Variants in MYRIP observed in about 807,000 individuals in gnomAD.
The protein encoded by MYRIP is myosin VIIA and Rab interacting protein.
MYRIP carries 49 observed loss-of-function variants against 98.0 expected under a neutral mutation model. That is an observed-to-expected ratio of 0.50 (90% confidence interval 0.40 to 0.63). The LOEUF is 0.63. Among genes scored for constraint, MYRIP ranks in the 30% least tolerant of loss-of-function variants. The probability of loss-of-function intolerance (pLI) is 0.00; values close to 1 mark genes in which losing one functional copy is unlikely to be tolerated. For missense variants in MYRIP, 1,004 were observed against 1,058.2 expected, an observed-to-expected ratio of 0.95 and a Z score of 0.71; for synonymous variants, 404 against 409.5, an observed-to-expected ratio of 0.99 and a Z score of 0.16.
intron 1 of MYRIP, among the ~76,000 whole-genome samples, chr3:39,884,935 C>A: frequency 8.8e-6 from 1 of 113,648 alleles, no homozygotes; most frequent in Non-Finnish European, 1.7e-5. Flanking sequence ...CCCCCCACCC[C>A]CCTTCTCCCT....
chr3:39,885,981 CCTT>C (rs1243786759), intron 1 of MYRIP, among the ~76,000 whole-genome samples: 1 of 151,984 alleles, frequency 6.6e-6, no homozygotes, highest in African/African-American at 2.4e-5. Context: ...TCATCTGAAG[CCTT>C]CTTCTCTCAG....
At chr3:39,829,503 G>T (rs1449617090) in intron 1 of MYRIP, among the ~76,000 whole-genome samples, 1 of 152,132 alleles carries the variant, frequency 6.6e-6, no homozygotes, top group African/African-American at 2.4e-5. Flanking sequence ...CCACACTAAA[G>T]ATGTTTGTGA....
chr3:39,951,029 GA>G (rs1945001010), intron 2 of MYRIP, among the ~76,000 whole-genome samples: 1 of 152,086 alleles, frequency 6.6e-6, no homozygotes, highest in African/African-American at 2.4e-5. Flanking sequence ...ATATATTTTG[GA>G]AACTCTGACT....
At chr3:40,071,994 C>T (rs776790207) in intron 3 of MYRIP, among the ~76,000 whole-genome samples, 3 of 152,072 alleles carry the variant, frequency 2.0e-5, no homozygotes, top group Non-Finnish European at 2.9e-5. Context: ...AAAGGAATCT[C>T]TGGTCAGAAT....
intron 3 of MYRIP, among the ~76,000 whole-genome samples, chr3:40,066,320 C>A (rs541354738): frequency 5.9e-5 from 9 of 152,292 alleles, no homozygotes; most frequent in Admixed American, 5.9e-4. Flanking sequence ...TCCATTAAGA[C>A]CATCCTGATA....
intron 11 of MYRIP, among the ~76,000 whole-genome samples, chr3:40,215,208 A>G (rs1437115921): frequency 6.6e-6 from 1 of 152,124 alleles, no homozygotes; most frequent in Admixed American, 6.6e-5. Flanking sequence ...CAAGTAGCTG[A>G]GCCATTGTGC....
chr3:39,856,570 G>T (rs537251673), intron 1 of MYRIP, among the ~76,000 whole-genome samples: 24 of 152,250 alleles, frequency 1.6e-4, no homozygotes, highest in African/African-American at 5.8e-4. Flanking sequence ...GCCTGACCAC[G>T]ATCCCAACAA....
At chr3:40,240,534 C>T (rs1021458729) in intron 12 of MYRIP, among the ~76,000 whole-genome samples, 9 of 152,142 alleles carry the variant, frequency 5.9e-5, no homozygotes, top group Non-Finnish European at 8.8e-5. Flanking sequence ...TGGTGACAGA[C>T]GGCACCTGGA....
At chr3:40,176,932 A>G (rs1249553866) in intron 8 of MYRIP, among the ~76,000 whole-genome samples, 3 of 150,228 alleles carry the variant, frequency 2.0e-5, no homozygotes, top group East Asian at 3.9e-4. Flanking sequence ...AAAAGAAAAG[A>G]AAAGAAAATT....
intron 3 of MYRIP, among the ~76,000 whole-genome samples, chr3:40,048,409 C>A (rs980471135): frequency 1.3e-5 from 2 of 152,060 alleles, no homozygotes; most frequent in East Asian, 1.9e-4. Flanking sequence ...AATAAAAATT[C>A]TTGTCCACAA....
chr3:40,216,329 C>G (rs1452076723), intron 11 of MYRIP, among the ~76,000 whole-genome samples: 2 of 151,988 alleles, frequency 1.3e-5, no homozygotes, highest in Non-Finnish European at 2.9e-5. Context: ...CCACAGAAGC[C>G]CAAAAGTAAG....
intron 2 of MYRIP, among the ~76,000 whole-genome samples, chr3:40,000,211 AAG>A (rs1461116641): frequency 6.6e-6 from 1 of 152,204 alleles, no homozygotes; most frequent in Non-Finnish European, 1.5e-5. Context: ...TTAAAAAAAA[AAG>A]AACTTTTAAA....
chr3:40,019,065 C>T (rs1380783169), intron 2 of MYRIP, among the ~76,000 whole-genome samples: 1 of 152,186 alleles, frequency 6.6e-6, no homozygotes, highest in African/African-American at 2.4e-5. Flanking sequence ...TAACTAATGT[C>T]TCTCCTCTGA....
intron 1 of MYRIP, among the ~76,000 whole-genome samples, chr3:39,874,779 T>C (rs1377190338): frequency 6.6e-6 from 1 of 152,086 alleles, no homozygotes; most frequent in Non-Finnish European, 1.5e-5. Context: ...CAATGTTCAT[T>C]AAGGATATTG....
At chr3:39,960,837 T>C (rs1306276481) in intron 2 of MYRIP, among the ~76,000 whole-genome samples, 1 of 152,152 alleles carries the variant, frequency 6.6e-6, no homozygotes, top group South Asian at 2.1e-4. Flanking sequence ...TTTAAACAAT[T>C]GCATTTCTTG....
chr3:39,994,537 C>G (rs540663012), intron 2 of MYRIP, among the ~76,000 whole-genome samples: 2 of 152,166 alleles, frequency 1.3e-5, no homozygotes, highest in African/African-American at 4.8e-5. Context: ...ACAAAGTGGC[C>G]GGGAAGCTGG....
chr3:40,223,905 C>T (rs544638534), intron 11 of MYRIP, among the ~76,000 whole-genome samples: 1 of 152,254 alleles, frequency 6.6e-6, no homozygotes, highest in African/African-American at 2.4e-5. Context: ...GGGCAGAGGG[C>T]AGAGTCCTGG....
At chr3:40,050,102 C>G (rs1947758790) in intron 3 of MYRIP, among the ~76,000 whole-genome samples, 1 of 152,104 alleles carries the variant, frequency 6.6e-6, no homozygotes, top group Non-Finnish European at 1.5e-5. Context: ...TGCAGGTTAT[C>G]CAGAAGATCT....
intron 2 of MYRIP, among the ~76,000 whole-genome samples, chr3:39,953,505 T>C (rs555878075): frequency 6.6e-6 from 1 of 152,266 alleles, no homozygotes; most frequent in East Asian, 1.9e-4. Flanking sequence ...CCGTTGCTAT[T>C]AACAAAATCT....
Sources: allele counts gnomAD v4.1 joint callset (sites outside exome capture counted in the v4.1 genomes callset), GRCh38; gene constraint gnomAD v4.1.1; transcripts MANE v1.5; gene names NCBI Gene and HGNC (gene_info 2026-07-23, HGNC 2026-07-21).